CSMD1: variants seen among roughly 807,000 people sequenced by gnomAD.
CSMD1 encodes the protein CUB and Sushi multiple domains 1.
Under a neutral mutation model 417.5 loss-of-function variants are expected in CSMD1, and 213 were observed. The ratio of observed to expected loss-of-function variants is 0.51; its 90% CI spans 0.46 to 0.57. CSMD1 has a LOEUF of 0.57. Ranked by LOEUF, CSMD1 falls within the 20% of genes least tolerant of loss-of-function variation. The pLI, the probability that CSMD1 is intolerant of heterozygous loss-of-function variation, is 0.00. For missense variants in CSMD1, 6,923 were observed against 4,529.7 expected (o/e 1.53, Z -15.17); for synonymous variants, 2,862 against 1,736.8 (o/e 1.65, Z -16.11).
Position 4,376,091 on chromosome 8 carries a change from A to G in CSMD1, c.415+43862T>C, listed in dbSNP as rs989079904. Among the ~76,000 whole-genome samples the G allele has an allele frequency of 2.6e-5, 4 of 152,252 alleles. 1 individual carries two copies. The highest frequency in any genetic ancestry group is 4.4e-5 in the Non-Finnish European group (3 of 68,050). On this transcript the variant is annotated intron_variant, in intron 3 of 69. Transcript: ENST00000635120. The stretch of plus-strand genomic sequence containing the variant: ...GAAAATTTCCATAATTTAATATATC[A>G]TAACTAAGTAGGACTCAGCTTATCA...
chr8:3,915,201 T>G (rs1223548112), intron 5 of CSMD1, among the ~76,000 whole-genome samples: 2 of 151,992 alleles, frequency 1.3e-5, no homozygotes, highest in African/African-American at 4.8e-5. Context: ...AGGTCAGGAT[T>G]TCGAGACCAG....
At chr8:3,910,417 C>A (rs543866044) in intron 5 of CSMD1, among the ~76,000 whole-genome samples, 1 of 152,280 alleles carries the variant, frequency 6.6e-6, no homozygotes, top group African/African-American at 2.4e-5. Flanking sequence ...GCCGTCAAGA[C>A]GCTTAATCCC....
intron 23 of CSMD1, among the ~76,000 whole-genome samples, chr8:3,333,813 T>A (rs1395662552): frequency 2.0e-5 from 3 of 152,226 alleles, no homozygotes; most frequent in African/African-American, 7.2e-5. Context: ...AAGAAGGCAG[T>A]GAATGCTATT....
intron 10 of CSMD1, among the ~76,000 whole-genome samples, chr8:3,503,965 G>T (rs1473166560): frequency 6.6e-6 from 1 of 152,100 alleles, no homozygotes; most frequent in Non-Finnish European, 1.5e-5. Flanking sequence ...TGGACAAGAA[G>T]TGGTTGATTT....
chr8:4,525,019 A>G (rs530105388), intron 2 of CSMD1, among the ~76,000 whole-genome samples: 1 of 152,190 alleles, frequency 6.6e-6, no homozygotes, highest in Non-Finnish European at 1.5e-5. Flanking sequence ...TGCAGTTTAT[A>G]TTTTGAATCA....
chr8:3,591,419 G>C (rs1009808825), intron 8 of CSMD1, among the ~76,000 whole-genome samples: 1 of 152,128 alleles, frequency 6.6e-6, no homozygotes, highest in Non-Finnish European at 1.5e-5. Context: ...TGTAATACAA[G>C]CAATTTCTAA....
chr8:3,280,149 G>C (rs1036510410), intron 26 of CSMD1, among the ~76,000 whole-genome samples: 1 of 152,122 alleles, frequency 6.6e-6, no homozygotes, highest in Admixed American at 6.5e-5. Context: ...CCATGCTGGG[G>C]CTTCTTATTG....
intron 1 of CSMD1, among the ~76,000 whole-genome samples, chr8:4,738,723 T>C (rs150688515): frequency 0.014 from 2,066 of 152,338 alleles, 33 homozygotes; most frequent in African/African-American, 0.034. Flanking sequence ...TAATTAAATT[T>C]GCTGTATCAT....
chr8:3,432,469 T>G (rs967864349), intron 12 of CSMD1, among the ~76,000 whole-genome samples: 1 of 151,912 alleles, frequency 6.6e-6, no homozygotes, highest in Admixed American at 6.6e-5. Context: ...TTGTTACTCC[T>G]TCCCATTACT....
chr8:4,842,404 A>T lies in CSMD1; in HGVS notation c.85+151928T>A, dbSNP rs74656394. Among the ~76,000 whole-genome samples, 259 of 152,350 alleles carry T rather than the reference A, an allele frequency of 1.7e-3. 6 individuals are homozygous for T. In the East Asian group the frequency reaches 0.04, roughly 23 times the overall value. On this transcript the variant is annotated intron_variant, in intron 1 of 69. Coordinates refer to ENST00000635120, the MANE Select transcript of CSMD1 (RefSeq NM_033225.6). ...TTTATTCCCCTTTTGCAATCTTTAA[A>T]ACTTCAAATGCAAGCCCAATTATAG...
At chr8:3,943,490 T>C (rs1157285324) in intron 5 of CSMD1, among the ~76,000 whole-genome samples, 1 of 148,666 alleles carries the variant, frequency 6.7e-6, no homozygotes, top group Non-Finnish European at 1.5e-5. Context: ...GGTGCTGAAA[T>C]TAGTGAACAG....
At chr8:4,298,539 G>C (rs934882417) in intron 3 of CSMD1, among the ~76,000 whole-genome samples, 1 of 152,078 alleles carries the variant, frequency 6.6e-6, no homozygotes, top group African/African-American at 2.4e-5. Flanking sequence ...ATGTACACAT[G>C]TAGCAAAATT....
chr8:4,448,158 C>A (rs1291592349), intron 2 of CSMD1, among the ~76,000 whole-genome samples: 1 of 152,156 alleles, frequency 6.6e-6, no homozygotes, highest in Non-Finnish European at 1.5e-5. Context: ...CGTATCACCT[C>A]AAGGTGAACA....
At chr8:4,648,537 T>C (rs1294804113) in intron 1 of CSMD1, among the ~76,000 whole-genome samples, 1 of 152,134 alleles carries the variant, frequency 6.6e-6, no homozygotes, top group Non-Finnish European at 1.5e-5. Context: ...AGGGAAATAG[T>C]GCTATAACTT....
intron 7 of CSMD1, among the ~76,000 whole-genome samples, chr8:3,706,763 T>C (rs1291002928): frequency 6.7e-6 from 1 of 149,012 alleles, no homozygotes; most frequent in Non-Finnish European, 1.5e-5. Flanking sequence ...ATCATAAAAA[T>C]CATTTTCAAA....
Position 4,412,809 on chromosome 8 carries a change from C to G in CSMD1, c.415+7144G>C, listed in dbSNP as rs571183616. Among the ~76,000 whole-genome samples, 4 of 152,236 alleles carry G rather than the reference C, an allele frequency of 2.6e-5. No homozygotes were observed. In the South Asian group the frequency reaches 8.3e-4, roughly 32 times the overall value. On this transcript the variant is annotated intron_variant, in intron 3 of 69. Transcript: ENST00000635120. Reference sequence around the variant, plus strand: ...ACAGTTTTATTATTTTTATTTAACTCACTCTAGGCCTGTATGTGAAACCAA... The same window carrying G: ...ACAGTTTTATTATTTTTATTTAACTGACTCTAGGCCTGTATGTGAAACCAA...
intron 5 of CSMD1, among the ~76,000 whole-genome samples, chr8:3,874,026 A>G (rs1805653957): frequency 6.6e-6 from 1 of 152,162 alleles, no homozygotes; most frequent in Non-Finnish European, 1.5e-5. Context: ...TCTCTGTCAA[A>G]TTAGCATCTG....
intron 3 of CSMD1, among the ~76,000 whole-genome samples, chr8:4,287,827 C>T (rs1027260094): frequency 6.6e-6 from 1 of 151,982 alleles, no homozygotes; most frequent in Non-Finnish European, 1.5e-5. Flanking sequence ...CCACTGAATG[C>T]ATTTAGTGGG....
chr8:4,305,171 C>T (rs1048652609), intron 3 of CSMD1, among the ~76,000 whole-genome samples: 1 of 152,114 alleles, frequency 6.6e-6, no homozygotes, highest in African/African-American at 2.4e-5. Flanking sequence ...AGTTTTTAAC[C>T]CAATTACATC....
Sources: gnomAD v4.1 joint callset for allele counts (sites outside exome capture counted in the v4.1 genomes callset) on GRCh38, gnomAD v4.1.1 for gene constraint, MANE v1.5 for transcripts, NCBI Gene and HGNC (gene_info 2026-07-23, HGNC 2026-07-21) for gene names.